The following ZFAT variants were observed in gnomAD, a reference collection of about 807,000 sequenced individuals.
ZFAT encodes the protein zinc finger protein ZFAT.
Under a neutral mutation model 117.7 loss-of-function variants are expected in ZFAT, and 64 were observed. That is an observed-to-expected ratio of 0.54 (90% CI 0.44 to 0.67). The LOEUF is 0.67. Ranked by LOEUF, ZFAT falls within the 30% of genes least tolerant of loss-of-function variation. ZFAT has a pLI of 0.00. For missense variants in ZFAT, 1,433 were observed against 1,584.5 expected, an observed-to-expected ratio of 0.90 and a Z score of 1.62; for synonymous variants, 679 against 615.0, an observed-to-expected ratio of 1.10 and a Z score of -1.54.
chr8:134,693,910 C>T (rs1212518723), intron 1 of ZFAT, among the ~76,000 whole-genome samples: 1 of 152,218 alleles, frequency 6.6e-6, no homozygotes, highest in Non-Finnish European at 1.5e-5. Flanking sequence ...TGGGACAAAT[C>T]ATGATCACGT....
chr8:134,551,833 C>A (rs570579863), intron 11 of ZFAT, among the ~76,000 whole-genome samples: 1 of 152,258 alleles, frequency 6.6e-6, no homozygotes, highest in Admixed American at 6.5e-5. Context: ...TACATACAAC[C>A]ATTTCCCTTT....
At chr8:134,494,215 C>T (rs898426211) in intron 15 of ZFAT, among the ~76,000 whole-genome samples, 2 of 152,202 alleles carry the variant, frequency 1.3e-5, no homozygotes, top group South Asian at 4.1e-4. Flanking sequence ...TTGGGCAAAC[C>T]TTTCAGCTTT....
chr8:134,758,067 T>C, the ZFAT span, among the ~76,000 whole-genome samples: 1 of 152,196 alleles, frequency 6.6e-6, no homozygotes, highest in Non-Finnish European at 1.5e-5. Context: ...CGAACTCAAA[T>C]GAACTAAATC....
At chr8:134,556,031 A>AGGGAGGGAGAGAAG in intron 11 of ZFAT, among the ~76,000 whole-genome samples, 1 of 60,374 alleles carries the variant, frequency 1.7e-5, no homozygotes, top group South Asian at 7.2e-4. Flanking sequence ...AGGGAGGGAG[A>AGGGAGGGAGAGAAG]GAAGGAAGGA....
the ZFAT span, among the ~76,000 whole-genome samples, chr8:134,721,533 G>T: frequency 6.6e-6 from 1 of 152,170 alleles, no homozygotes; most frequent in Non-Finnish European, 1.5e-5. Flanking sequence ...AACCAGACAA[G>T]CCATGCTGCA....
chr8:134,823,406 TTGAG>T, the ZFAT span, among the ~76,000 whole-genome samples: 1 of 152,224 alleles, frequency 6.6e-6, no homozygotes, highest in East Asian at 1.9e-4. Context: ...TTAACATGTA[TTGAG>T]TATTTTCTGT....
At chr8:134,682,247 G>A (rs1176962422) in intron 1 of ZFAT, among the ~76,000 whole-genome samples, 1 of 152,194 alleles carries the variant, frequency 6.6e-6, no homozygotes, top group African/African-American at 2.4e-5. Context: ...CTACTTTAGG[G>A]AGCACGGATA....
At chr8:134,487,448 G>A (rs1205804826) in intron 15 of ZFAT, among the ~76,000 whole-genome samples, 1 of 152,174 alleles carries the variant, frequency 6.6e-6, no homozygotes, top group Non-Finnish European at 1.5e-5. Flanking sequence ...GTGGCTCAGA[G>A]AGTCGATGTG....
the ZFAT span, among the ~76,000 whole-genome samples, chr8:134,791,326 T>G: frequency 6.6e-6 from 1 of 152,206 alleles, no homozygotes; most frequent in African/African-American, 2.4e-5. Flanking sequence ...TTCTAAGGTC[T>G]TGGCTTTGTG....
chr8:134,562,139 T>A (rs1824098305), intron 11 of ZFAT, among the ~76,000 whole-genome samples: 1 of 152,044 alleles, frequency 6.6e-6, no homozygotes. Context: ...TGGTGAGAGA[T>A]GCCATATTTC....
chr8:134,604,047 C>T (rs376575925), intron 5 of ZFAT, among the ~76,000 whole-genome samples: 2 of 152,196 alleles, frequency 1.3e-5, no homozygotes, highest in African/African-American at 4.8e-5. Context: ...TTAGATTTTA[C>T]GTATGTGGTG....
intron 1 of ZFAT, among the ~76,000 whole-genome samples, chr8:134,676,956 G>A (rs1319792002): frequency 1.3e-5 from 2 of 152,142 alleles, no homozygotes; most frequent in East Asian, 1.9e-4. Context: ...AGTGTGTAGA[G>A]GGAAATTTAT....
In ZFAT at chr8:134,687,793, G is replaced by A. The variant is rs190603550; in HGVS notation, c.19+25052C>T. On this transcript the variant is annotated intron_variant, in intron 1 of 15. Transcript: ENST00000377838. ...GCAAAATCCTCTCCCATTTTCTAGAGTACTGGGGAGAAATAGCAATGCCCA... is the reference window on the plus strand; with the variant it reads ...GCAAAATCCTCTCCCATTTTCTAGAATACTGGGGAGAAATAGCAATGCCCA... 2.5e-3 allele frequency among the ~76,000 whole-genome samples: 382 copies of A among 152,298 alleles called. 1 individual carries two copies. The highest frequency in any genetic ancestry group is 8.9e-3 in the African/African-American group (369 of 41,556).
At chr8:134,752,584 G>C in the ZFAT span, among the ~76,000 whole-genome samples, 1 of 152,274 alleles carries the variant, frequency 6.6e-6, no homozygotes, top group East Asian at 1.9e-4. Flanking sequence ...TGTTAAGTCA[G>C]CTTGGGCTGC....
rs189567732 is a variant in ZFAT at position 134,665,741 on chromosome 8, G to A, written c.20-8004C>T. 2.6e-5 allele frequency among the ~76,000 whole-genome samples: 4 copies of A among 152,282 alleles called. No individual in the cohort carries two copies. The East Asian group carries it at 5.8e-4, about 22-fold the overall frequency. On this transcript the variant is annotated intron_variant, in intron 1 of 15. Coordinates refer to ENST00000377838, the MANE Select transcript of ZFAT (RefSeq NM_020863.4). The stretch of plus-strand genomic sequence containing the variant: ...CAGACCTTTTGCTGTGCATCACAGA[G>A]AGAGAGAGATGGACAGGAGAAGGGG...
At chr8:134,539,129 A>G (rs913307631) in intron 11 of ZFAT, among the ~76,000 whole-genome samples, 1 of 152,222 alleles carries the variant, frequency 6.6e-6, no homozygotes, top group Non-Finnish European at 1.5e-5. Context: ...TGATTAGAAG[A>G]CATCTAAAAA....
At chr8:134,563,369 A>G (rs1265383191) in intron 11 of ZFAT, among the ~76,000 whole-genome samples, 2 of 152,232 alleles carry the variant, frequency 1.3e-5, no homozygotes, top group African/African-American at 4.8e-5. Context: ...TAGGAGTGAA[A>G]GGATGAAGTC....
the ZFAT span, among the ~76,000 whole-genome samples, chr8:134,728,618 A>G: frequency 6.6e-6 from 1 of 152,176 alleles, no homozygotes; most frequent in Admixed American, 6.5e-5. Flanking sequence ...TGTGCCTGCA[A>G]AGATGCACAT....
chr8:134,794,966 T>G, the ZFAT span: 4 of 152,204 alleles, frequency 2.6e-5, no homozygotes, highest in African/African-American at 9.6e-5. Context: ...AACAACCTGA[T>G]AGCCACCATT....
Sources: allele counts gnomAD v4.1 joint callset (sites outside exome capture counted in the v4.1 genomes callset), GRCh38; gene constraint gnomAD v4.1.1; transcripts MANE v1.5; gene names NCBI Gene and HGNC (gene_info 2026-07-23, HGNC 2026-07-21).